NINL: variants seen among roughly 807,000 people sequenced by gnomAD.
NINL encodes ninein-like protein.
Under a neutral mutation model 160.3 loss-of-function variants are expected in NINL, and 153 were observed. The ratio of observed to expected loss-of-function variants is 0.95; its 90% CI spans 0.84 to 1.09. The LOEUF (loss-of-function observed/expected upper bound fraction) is 1.09. NINL is among the 50% of genes least tolerant of loss of function. The pLI is 0.00. For missense variants in NINL, 1,829 were observed against 1,764.0 expected, an observed-to-expected ratio of 1.04 and a Z score of -0.66; for synonymous variants, 800 against 734.8, an observed-to-expected ratio of 1.09 and a Z score of -1.43.
At chr20:25,492,596 C>A (rs2063664497) in intron 10 of NINL, among the ~76,000 whole-genome samples, 1 of 152,058 alleles carries the variant, frequency 6.6e-6, no homozygotes, top group Admixed American at 6.6e-5. Flanking sequence ...GGACTACAGG[C>A]ACCCACCACC....
At chr20:25,546,012 C>T (rs543870179) in intron 1 of NINL, among the ~76,000 whole-genome samples, 2 of 149,734 alleles carry the variant, frequency 1.3e-5, no homozygotes, top group South Asian at 2.1e-4. Context: ...GACAGAGTCT[C>T]GCTCTGTTGC....
intron 5 of NINL, among the ~76,000 whole-genome samples, chr20:25,505,679 A>G (rs1270203123): frequency 1.3e-5 from 2 of 152,208 alleles, no homozygotes; most frequent in African/African-American, 4.8e-5. Flanking sequence ...GAAGCACAGC[A>G]ATGCTGGTCA....
chr20:25,574,501 A>G (rs1017909819), intron 1 of NINL, among the ~76,000 whole-genome samples: 3 of 152,038 alleles, frequency 2.0e-5, no homozygotes, highest in Non-Finnish European at 4.4e-5. Context: ...AAGAATCCAC[A>G]CCGCTTCCAC....
intron 5 of NINL, chr20:25,509,671 T>C (rs888411068): frequency 2.2e-6 from 1 of 456,652 alleles, no homozygotes; most frequent in Non-Finnish European, 4.4e-6. Flanking sequence ...CACACCCACC[T>C]TTCTGTGGGG....
chr20:25,584,068 G>A (rs548685344), intron 1 of NINL, among the ~76,000 whole-genome samples: 2 of 152,266 alleles, frequency 1.3e-5, no homozygotes, highest in Non-Finnish European at 2.9e-5. Flanking sequence ...GGGTTGATAG[G>A]TGCAGCAAAC....
intron 1 of NINL, 148 bp downstream of exon 1, chr20:25,585,307 C>G (rs1016251643): frequency 1.3e-5 from 2 of 152,286 alleles, no homozygotes; most frequent in African/African-American, 4.8e-5. Context: ...TGCGCCGAGT[C>G]TGCGCCCCGC....
At chr20:25,505,754 A>G (rs1377904833) in intron 5 of NINL, among the ~76,000 whole-genome samples, 1 of 152,200 alleles carries the variant, frequency 6.6e-6, no homozygotes, top group Non-Finnish European at 1.5e-5. Flanking sequence ...AGCAGGATGG[A>G]TGGACAGACA....
chr20:25,571,328 G>A (rs927661376), intron 1 of NINL, among the ~76,000 whole-genome samples: 1 of 152,166 alleles, frequency 6.6e-6, no homozygotes, highest in African/African-American at 2.4e-5. Flanking sequence ...GTCTCACCAG[G>A]GGCAAGGTGT....
chr20:25,462,499 C>A lies in NINL; in HGVS notation c.3466G>T (p.Val1156Phe). 1 of 1,614,204 alleles carries A rather than the reference C, an allele frequency of 6.2e-7. No individual in the cohort carries two copies. The highest frequency in any genetic ancestry group is 1.1e-5 in the South Asian group (1 of 91,090). ...KDQLSQLNVR[V>F]LQLGQEASTH... The stretch of plus-strand genomic sequence containing the variant: ...GAAGCCTCCTGTCCCAGTTGAAGAA[C>A]CCTGACATTGAGCTGGGATAATTGA... Residue 1156 changes from valine (V) to phenylalanine (F), a missense_variant, in exon 20 of 24, where the codon GTT becomes TTT. By Grantham distance (50) the Val-to-Phe change is conservative. Transcript: ENST00000278886.
chr20:25,551,037 C>T (rs1301749454), intron 1 of NINL, among the ~76,000 whole-genome samples: 1 of 152,228 alleles, frequency 6.6e-6, no homozygotes. Flanking sequence ...TGCGGCCTTC[C>T]GCAGTGCATT....
At chr20:25,459,913 G>A (rs1409375521) in intron 21 of NINL, among the ~76,000 whole-genome samples, 1 of 152,112 alleles carries the variant, frequency 6.6e-6, no homozygotes, top group African/African-American at 2.4e-5. Context: ...GGGAGCACTG[G>A]AAACAAGGAC....
chr20:25,462,355 T>TGGTG (rs375705400), intron 20 of NINL, 28 bp downstream of exon 20: 481,672 of 1,596,316 alleles, frequency 0.3, 81,023 homozygotes, highest in African/African-American at 0.65. Flanking sequence ...AGCCTCCAGC[T>TGGTG]CAGCTCCCTG....
At chr20:25,570,319 T>C (rs888508652) in intron 1 of NINL, among the ~76,000 whole-genome samples, 2 of 152,090 alleles carry the variant, frequency 1.3e-5, no homozygotes, top group African/African-American at 2.4e-5. Flanking sequence ...GGCAACTGGA[T>C]TGTGGGGGCG....
At chr20:25,496,517 G>T in intron 10 of NINL, 146 bp downstream of exon 10, 1 of 958,028 alleles carries the variant, frequency 1.0e-6, no homozygotes, top group Non-Finnish European at 1.5e-6. Context: ...GTGCCCCCTG[G>T]ATTCCCCCTG....
chr20:25,572,706 T>C (rs1285136984), intron 1 of NINL, among the ~76,000 whole-genome samples: 2 of 152,200 alleles, frequency 1.3e-5, no homozygotes, highest in African/African-American at 4.8e-5. Flanking sequence ...TTTTGATAGT[T>C]TTCTAAAAGT....
intron 1 of NINL, among the ~76,000 whole-genome samples, chr20:25,565,927 G>A (rs1021920284): frequency 2.0e-5 from 3 of 152,136 alleles, no homozygotes; most frequent in Admixed American, 1.3e-4. Context: ...TTACACTGGC[G>A]ACCCCCGCAG....
intron 1 of NINL, among the ~76,000 whole-genome samples, chr20:25,566,769 A>T (rs1422806374): frequency 1.3e-5 from 2 of 151,506 alleles, no homozygotes; most frequent in Non-Finnish European, 2.9e-5. Context: ...ACTCCAACCT[A>T]GGTGACACAG....
intron 1 of NINL, among the ~76,000 whole-genome samples, chr20:25,552,029 C>CT (rs2064812319): frequency 6.6e-6 from 1 of 152,280 alleles, no homozygotes; most frequent in South Asian, 2.1e-4. Context: ...TGGCTTATGT[C>CT]TAACACTATG....
intron 8 of NINL, 140 bp downstream of exon 8, chr20:25,500,700 G>T (rs1601161509): frequency 2.4e-5 from 17 of 709,278 alleles, no homozygotes; most frequent in Non-Finnish European, 3.6e-5. Context: ...TTTCTACCTG[G>T]ACTTCCTTGC....
Sources: allele counts gnomAD v4.1 joint callset (sites outside exome capture counted in the v4.1 genomes callset), GRCh38; gene constraint gnomAD v4.1.1; transcripts MANE v1.5; gene names NCBI Gene and HGNC (gene_info 2026-07-23, HGNC 2026-07-21).